Variants in ARID4B observed in about 807,000 individuals in gnomAD.
The protein encoded by ARID4B is AT-rich interaction domain 4B.
In ARID4B, 26 loss-of-function variants were observed where a neutral mutation model predicts 147.5. The observed-to-expected ratio is 0.18, with a 90% confidence interval of 0.13 to 0.24. The LOEUF is 0.24. ARID4B is among the 10% of genes least tolerant of loss of function. The pLI is 1.00. For synonymous variants in ARID4B, 512 were observed against 507.9 expected (o/e 1.01, Z -0.11); for missense variants, 1,179 against 1,511.5 (o/e 0.78, Z 3.65).
chr1:235,317,301 A>G (rs1674509556), intron 2 of ARID4B, among the ~76,000 whole-genome samples: 1 of 152,160 alleles, frequency 6.6e-6, no homozygotes, highest in Non-Finnish European at 1.5e-5. Context: ...GTTTCTTAAC[A>G]TTTGTACTGT....
chr1:235,225,783 C>A (rs1667788645), intron 11 of ARID4B, among the ~76,000 whole-genome samples: 1 of 152,076 alleles, frequency 6.6e-6, no homozygotes, highest in Admixed American at 6.6e-5. Flanking sequence ...TGCCTAATGC[C>A]ACTGCTTTAG....
At chr1:235,218,397 T>C (rs979444585) in intron 16 of ARID4B, among the ~76,000 whole-genome samples, 1 of 152,156 alleles carries the variant, frequency 6.6e-6, no homozygotes, top group Non-Finnish European at 1.5e-5. Context: ...TTTATCACAG[T>C]GCCTTGCAAA....
intron 2 of ARID4B, among the ~76,000 whole-genome samples, chr1:235,267,087 G>A (rs917732048): frequency 2.0e-5 from 3 of 152,204 alleles, no homozygotes; most frequent in African/African-American, 4.8e-5. Flanking sequence ...AGACCAGCTT[G>A]GGTAACAGGG....
In ARID4B at chr1:235,318,464, G is replaced by A. The variant is rs974812468; in HGVS notation, c.6+8450C>T. On this transcript the variant is annotated intron_variant, in intron 2 of 23. Transcript: ENST00000264183. ...TGGGATTACAGGCGTGAGCCATCGC[G>A]CCTGGTCAACACTTGCTACTTCTTT... Among the ~76,000 whole-genome samples, 22 of 151,892 alleles carry A rather than the reference G, an allele frequency of 1.4e-4. 1 individual carries two copies. The highest frequency in any genetic ancestry group is 9.7e-4 in the East Asian group (5 of 5,178).
intron 2 of ARID4B, among the ~76,000 whole-genome samples, chr1:235,300,772 C>T (rs1305354227): frequency 6.6e-6 from 1 of 152,002 alleles, no homozygotes; most frequent in African/African-American, 2.4e-5. Context: ...TGCAGTGGCA[C>T]GATCTCAGCT....
At chr1:235,185,095 G>A (rs1427985134) in intron 19 of ARID4B, among the ~76,000 whole-genome samples, 3 of 152,156 alleles carry the variant, frequency 2.0e-5, no homozygotes, top group African/African-American at 4.8e-5. Context: ...GGGATTATAG[G>A]CATGAGCCAA....
chr1:235,265,635 G>A (rs12091964), intron 2 of ARID4B, among the ~76,000 whole-genome samples: 6,080 of 151,950 alleles, frequency 0.04, 458 homozygotes, highest in African/African-American at 0.14. Flanking sequence ...AGAGACTGAG[G>A]TTGCAGTGAG....
intron 9 of ARID4B, 130 bp downstream of exon 9, chr1:235,234,283 A>C (rs567661497): frequency 4.7e-6 from 3 of 633,826 alleles, no homozygotes; most frequent in East Asian, 5.9e-5. Context: ...GACTCTTTGA[A>C]ACATTCTGTA....
At chr1:235,222,512 GAAT>G (rs1466327982) in intron 13 of ARID4B, among the ~76,000 whole-genome samples, 1 of 151,882 alleles carries the variant, frequency 6.6e-6, no homozygotes, top group African/African-American at 2.4e-5. Flanking sequence ...AGAATATACA[GAAT>G]ATTAAGACAG....
intron 17 of ARID4B, among the ~76,000 whole-genome samples, chr1:235,202,511 T>G (rs1439194262): frequency 6.7e-6 from 1 of 149,986 alleles, no homozygotes; most frequent in Non-Finnish European, 1.5e-5. Flanking sequence ...GAAGATCTAG[T>G]ATGTTCCCTG....
intron 7 of ARID4B, among the ~76,000 whole-genome samples, chr1:235,244,209 A>G (rs1669159207): frequency 6.6e-6 from 1 of 152,218 alleles, no homozygotes; most frequent in South Asian, 2.1e-4. Context: ...CTTGTTAACA[A>G]GATTCATTGT....
intron 2 of ARID4B, among the ~76,000 whole-genome samples, chr1:235,310,210 C>T (rs752602414): frequency 4.0e-5 from 6 of 151,874 alleles, no homozygotes; most frequent in Non-Finnish European, 7.4e-5. Context: ...GGGAAATTTA[C>T]ATAAAAATGT....
intron 3 of ARID4B, among the ~76,000 whole-genome samples, chr1:235,258,530 A>T (rs962194757): frequency 6.6e-6 from 1 of 152,192 alleles, no homozygotes; most frequent in Non-Finnish European, 1.5e-5. Flanking sequence ...TTCAAATTTA[A>T]ATACTTAATT....
At chr1:235,197,624 T>C (rs987498261) in intron 17 of ARID4B, among the ~76,000 whole-genome samples, 3 of 152,232 alleles carry the variant, frequency 2.0e-5, no homozygotes, top group African/African-American at 7.2e-5. Flanking sequence ...TTCCTAGTTA[T>C]GTGGTCCTGA....
chr1:235,209,561 TTGTTTTG>T lies in ARID4B; in HGVS notation c.1841+4201_1841+4207del, dbSNP rs1341464262. Among the ~76,000 whole-genome samples the T allele has an allele frequency of 1.8e-4, 25 of 139,756 alleles. No homozygotes were observed. The East Asian group carries it at 2.6e-3, about 15-fold the overall frequency. 91.7% of individuals were successfully genotyped at this position (139,756 alleles called of 152,430 possible). A position where few individuals can be genotyped will look rare whatever the true frequency, so the allele number is the denominator to read the frequency against. On this transcript the variant is annotated intron_variant, in intron 17 of 23. Coordinates refer to ENST00000264183, the MANE Select transcript of ARID4B (RefSeq NM_016374.6). Reference sequence around the variant, plus strand: ...ACAAGAAAATTGATTTTTTTGTTTTTTGTTTTGTTTTTTTTTTTTTGAGATGGAGTCT... The same window carrying T: ...ACAAGAAAATTGATTTTTTTGTTTTTTTTTTTTTTTTTTGAGATGGAGTCT...
intron 17 of ARID4B, among the ~76,000 whole-genome samples, chr1:235,204,404 T>G (rs1260439468): frequency 6.6e-6 from 1 of 152,118 alleles, no homozygotes; most frequent in Admixed American, 6.5e-5. Context: ...TAAATCTACA[T>G]CAGAGAGACA....
At chr1:235,304,897 G>A (rs1226275828) in intron 2 of ARID4B, among the ~76,000 whole-genome samples, 1 of 152,016 alleles carries the variant, frequency 6.6e-6, no homozygotes, top group Non-Finnish European at 1.5e-5. Flanking sequence ...ATTTTATAGC[G>A]AGGCCTAAGA....
chr1:235,173,763 AAAAAAAAAAT>A (rs1663578879), intron 22 of ARID4B, among the ~76,000 whole-genome samples: 2 of 52,532 alleles, frequency 3.8e-5, no homozygotes, highest in African/African-American at 1.2e-4. Flanking sequence ...AAAAAAAAAA[AAAAAAAAAAT>A]ATATATATAT....
chr1:235,255,220 T>TATATATATATATATAGAGAGAGAGAGAG (rs1264196304), intron 5 of ARID4B, among the ~76,000 whole-genome samples: 3 of 62,350 alleles, frequency 4.8e-5, no homozygotes, highest in African/African-American at 1.4e-4. Context: ...TGCTGGGAGC[T>TATATATATATATATAGAGAGAGAGAGAG]AGATAGATAG....
Sources: gnomAD v4.1 joint callset for allele counts (sites outside exome capture counted in the v4.1 genomes callset) on GRCh38, gnomAD v4.1.1 for gene constraint, MANE v1.5 for transcripts, NCBI Gene and HGNC (gene_info 2026-07-23, HGNC 2026-07-21) for gene names.